Variants in DENND5A observed in about 807,000 individuals in gnomAD.
The protein encoded by DENND5A is DENN domain-containing protein 5A.
DENND5A carries 64 observed loss-of-function variants against 140.3 expected under a neutral mutation model. The observed-to-expected ratio is 0.46, with a 90% CI of 0.37 to 0.56. The LOEUF (loss-of-function observed/expected upper bound fraction) is 0.56. Among genes scored for constraint, DENND5A ranks in the 20% least tolerant of loss-of-function variants. DENND5A has a pLI of 0.00. For missense variants in DENND5A, 1,292 were observed against 1,593.8 expected (o/e 0.81, Z 3.22); for synonymous variants, 605 against 607.7 (o/e 1.00, Z 0.07).
intron 1 of DENND5A, among the ~76,000 whole-genome samples, chr11:9,261,772 T>C (rs1379927199): frequency 1.2e-5 from 1 of 86,548 alleles, no homozygotes; most frequent in Non-Finnish European, 2.2e-5. Flanking sequence ...AGTGAGACTG[T>C]GTCTCAAAAA....
At chr11:9,208,403 G>C (rs1849762856) in intron 1 of DENND5A, among the ~76,000 whole-genome samples, 1 of 152,100 alleles carries the variant, frequency 6.6e-6, no homozygotes, top group Non-Finnish European at 1.5e-5. Context: ...GAACCTAAAG[G>C]GACTTGTGGT....
At chr11:9,142,347 CA>C (rs1032119378) in intron 21 of DENND5A, among the ~76,000 whole-genome samples, 3 of 152,110 alleles carry the variant, frequency 2.0e-5, no homozygotes, top group Non-Finnish European at 2.9e-5. Context: ...TCTGAAGACA[CA>C]AAAAATTCTG....
intron 22 of DENND5A, among the ~76,000 whole-genome samples, chr11:9,141,163 G>C (rs377100562): frequency 3.3e-5 from 5 of 151,814 alleles, no homozygotes; most frequent in African/African-American, 1.2e-4. Flanking sequence ...AATGGTAAGG[G>C]GCCACGTTTT....
chr11:9,191,698 G>C (rs1391626944), intron 5 of DENND5A, among the ~76,000 whole-genome samples: 1 of 152,194 alleles, frequency 6.6e-6, no homozygotes, highest in Non-Finnish European at 1.5e-5. Context: ...CAAGTATAAA[G>C]AAAGCTGATG....
intron 1 of DENND5A, among the ~76,000 whole-genome samples, chr11:9,261,721 T>C (rs1336068553): frequency 1.4e-5 from 2 of 138,058 alleles, no homozygotes; most frequent in Non-Finnish European, 3.0e-5. Flanking sequence ...GAGGTTTCAG[T>C]GAGCCACTAT....
At chr11:9,218,623 T>C (rs1436308901) in intron 1 of DENND5A, among the ~76,000 whole-genome samples, 2 of 151,962 alleles carry the variant, frequency 1.3e-5, no homozygotes. Context: ...GGTGGGAAGA[T>C]CGCTAGAGCC....
chr11:9,255,099 T>C (rs1851889665), intron 1 of DENND5A, among the ~76,000 whole-genome samples: 1 of 146,426 alleles, frequency 6.8e-6, no homozygotes. Context: ...TAAAATAAAA[T>C]AATAAAAATA....
Position 9,178,147 on chromosome 11 carries a change from T to C in DENND5A, c.1891A>G (p.Thr631Ala), listed in dbSNP as rs772866243. Residue 631 changes from threonine (T) to alanine (A), a missense_variant, in exon 8 of 23, where the codon ACT (threonine) becomes GCT (alanine). Physicochemically the swap from Thr to Ala is moderately conservative, Grantham distance 58. This residue lies in a region of DENND5A where 199 missense variants were observed against 189.1 expected (regional missense o/e 1.05). Coordinates refer to ENST00000328194, the MANE Select transcript of DENND5A (RefSeq NM_015213.4). Reference protein sequence around the residue: ...LRTSMYQKCTTVDEAEKAIEL... With the variant: ...LRTSMYQKCTAVDEAEKAIEL... The stretch of plus-strand genomic sequence containing the variant: ...GAGGCCTTACCTGCTTCATCCACAG[T>C]GGTACACTTCTGGTACATGGATGTA... The C allele has an allele frequency of 5.0e-6, 8 of 1,613,208 alleles. No individual in the cohort carries two copies. The African/African-American group carries it at 5.3e-5, about 11-fold the overall frequency.
intron 18 of DENND5A, 48 bp from the exon 19 acceptor site, chr11:9,144,326 G>A: frequency 1.9e-6 from 3 of 1,594,188 alleles, no homozygotes; most frequent in East Asian, 2.2e-5. Context: ...CCTCCCTGCT[G>A]CTCACAGGAA....
chr11:9,166,491 A>G (rs1032019514), intron 10 of DENND5A, among the ~76,000 whole-genome samples: 1 of 152,158 alleles, frequency 6.6e-6, no homozygotes, highest in Admixed American at 6.5e-5. Flanking sequence ...TTTCTGTTTT[A>G]GCTGATGTAA....
chr11:9,265,243 G>A lies in DENND5A; in HGVS notation c.-174C>T, dbSNP rs1173809129. 3.8e-6 allele frequency: 1 copy of A among 263,496 alleles called. No homozygotes were observed. The highest frequency in any genetic ancestry group is 6.9e-6 in the Non-Finnish European group (1 of 144,808). 16.3% of individuals were successfully genotyped at this position (263,496 alleles called of 1,614,324 possible). ...CGGCCGCCGCGGCTGCCGTGACGGG[G>A]CGGGGGGGCACCGGGCCGCCCCGCA... On this transcript the variant is annotated 5_prime_UTR_variant, in exon 1 of 23. Coordinates refer to ENST00000328194, the MANE Select transcript of DENND5A (RefSeq NM_015213.4). The surrounding 1 kb of genome is among the most constrained non-coding windows in gnomAD (Gnocchi z 4.7).
chr11:9,226,473 C>G (rs1850534927), intron 1 of DENND5A, among the ~76,000 whole-genome samples: 1 of 152,130 alleles, frequency 6.6e-6, no homozygotes, highest in Admixed American at 6.6e-5. Flanking sequence ...AAAAAAGTTT[C>G]TGGGGCTATT....
At chr11:9,195,476 G>C (rs1297404417) in intron 4 of DENND5A, among the ~76,000 whole-genome samples, 3 of 152,182 alleles carry the variant, frequency 2.0e-5, no homozygotes, top group Admixed American at 1.3e-4. Flanking sequence ...TAAATCATAT[G>C]AGTAAAATCC....
At chr11:9,182,952 G>T (rs1848782376) in intron 5 of DENND5A, among the ~76,000 whole-genome samples, 1 of 151,988 alleles carries the variant, frequency 6.6e-6, no homozygotes, top group Non-Finnish European at 1.5e-5. Context: ...TTGAGATGAT[G>T]GATATGCTAA....
intron 5 of DENND5A, among the ~76,000 whole-genome samples, chr11:9,184,271 T>G (rs1240250317): frequency 6.6e-6 from 1 of 151,914 alleles, no homozygotes; most frequent in Non-Finnish European, 1.5e-5. Context: ...GAGAATGTCA[T>G]GAACCTCGGA....
At chr11:9,233,307 G>A (rs765020747) in intron 1 of DENND5A, among the ~76,000 whole-genome samples, 1 of 151,240 alleles carries the variant, frequency 6.6e-6, no homozygotes, top group Non-Finnish European at 1.5e-5. Flanking sequence ...GCTGAGGCAG[G>A]AGAATTGTTT....
intron 1 of DENND5A, among the ~76,000 whole-genome samples, chr11:9,263,503 A>G (rs1852299362): frequency 6.8e-6 from 1 of 147,644 alleles, no homozygotes; most frequent in African/African-American, 2.5e-5. Flanking sequence ...ATTACCCCTG[A>G]GCCGCCGGGT....
intron 6 of DENND5A, among the ~76,000 whole-genome samples, chr11:9,179,872 T>C (rs1247284527): frequency 3.3e-5 from 5 of 151,972 alleles, no homozygotes; most frequent in Non-Finnish European, 5.9e-5. Context: ...AAATATCTAG[T>C]CTACTAAGCA....
intron 16 of DENND5A, chr11:9,146,821 G>A (rs926508539): frequency 1.7e-5 from 9 of 538,482 alleles, no homozygotes; most frequent in Non-Finnish European, 2.9e-5. Context: ...AAAAGACTGA[G>A]CTCTCCAGTT....
Sources: allele counts gnomAD v4.1 joint callset (sites outside exome capture counted in the v4.1 genomes callset), GRCh38; gene constraint gnomAD v4.1.1; regional missense constraint gnomAD v4.1.1; non-coding constraint Gnocchi (gnomAD v3.1); transcripts MANE v1.5; gene names NCBI Gene and HGNC (gene_info 2026-07-23, HGNC 2026-07-21).